The following C1QTNF9B variants were observed in gnomAD, a reference collection of about 807,000 sequenced individuals.
C1QTNF9B encodes complement C1q and tumor necrosis factor-related protein 9B.
A neutral mutation model predicts 10.1 loss-of-function variants in C1QTNF9B; 9 were observed. The ratio of observed to expected loss-of-function variants is 0.89; its 90% CI spans 0.53 to 1.55. The LOEUF (loss-of-function observed/expected upper bound fraction) is 1.55, where lower values mean the gene tolerates loss of function less well. Ranked by LOEUF, C1QTNF9B falls within the 40% of genes most tolerant of loss-of-function variation. The pLI, the probability that C1QTNF9B is intolerant of heterozygous loss-of-function variation, is 0.00. For synonymous variants in C1QTNF9B, 79 were observed against 159.9 expected (o/e 0.49, Z 3.82); for missense variants, 196 against 414.4 (o/e 0.47, Z 4.58).
intron 1 of C1QTNF9B, 118 bp downstream of exon 3, chr13:23,896,703 G>C: frequency 6.9e-7 from 1 of 1,452,842 alleles, no homozygotes; most frequent in South Asian, 1.3e-5. Flanking sequence ...AATGTTGCTG[G>C]GTGGATGGAT....
upstream of C1QTNF9B, chr13:23,897,058 T>C (rs186828471): frequency 4.6e-4 from 732 of 1,591,192 alleles, 11 homozygotes; most frequent in East Asian, 0.012. Flanking sequence ...GCTGGGGCCC[T>C]GGACACAGCC....
At chr13:23,895,868 C>A (rs1323538358) in intron 1 of C1QTNF9B, among the ~76,000 whole-genome samples, 2 of 151,940 alleles carry the variant, frequency 1.3e-5, no homozygotes, top group Admixed American at 1.3e-4. Flanking sequence ...GGGCTATTTG[C>A]TACCGGGGGA....
intron 2 of C1QTNF9B, among the ~76,000 whole-genome samples, chr13:23,893,805 C>T (rs1872102807): frequency 6.6e-6 from 1 of 152,154 alleles, no homozygotes; most frequent in African/African-American, 2.4e-5. Flanking sequence ...AAATAATATT[C>T]CACAATACAT....
chr13:23,896,594 G>T (rs1285623327), intron 1 of C1QTNF9B, among the ~76,000 whole-genome samples: 1 of 152,176 alleles, frequency 6.6e-6, no homozygotes, highest in Non-Finnish European at 1.5e-5. Context: ...CTGGCCCTGT[G>T]CTCTCCACCA....
chr13:23,892,474 G>T (rs1367863832), intron 2 of C1QTNF9B, among the ~76,000 whole-genome samples: 1 of 152,078 alleles, frequency 6.6e-6, no homozygotes, highest in Non-Finnish European at 1.5e-5. Context: ...AGGCAACATG[G>T]CAAAACCTCA....
At chr13:23,891,814 C>T (rs1488118556) in exon 3 of C1QTNF9B, 2 of 1,613,956 alleles carry the variant, frequency 1.2e-6, no homozygotes, top group Admixed American at 1.7e-5. Context: ...TGGGACCAGG[C>T]TTTCCAATAG....
Position 23,896,868 on chromosome 13 carries a change from G to T in C1QTNF9B, c.119C>A (p.Pro40His), listed in dbSNP as rs550819177. ...CGCTCCGTCTCGTCCATCTCTTCCA[G>T]GCAGACCATTGTGACCGGGGTTCCC... The change falls in exon 1 of 3, where the codon CCT becomes CAT. Residue 40 changes from proline to histidine, a missense_variant. Pro to His is a moderately conservative substitution (Grantham distance 77, BLOSUM62 -2). Around this residue, in one of 5 missense-constraint regions of C1QTNF9B, gnomAD observed 46 missense variants for 64.5 expected, o/e 0.71. Transcript: ENST00000382137. The T allele has an allele frequency of 1.9e-6, 3 of 1,613,980 alleles. No individual in the cohort carries two copies. The Admixed American group carries it at 5.0e-5, about 27-fold the overall frequency.
chr13:23,891,118 C>T (rs1871894738), exon 3 of C1QTNF9B: 6 of 587,204 alleles, frequency 1.0e-5, no homozygotes, highest in Non-Finnish European at 1.6e-5. Flanking sequence ...AATATTTACT[C>T]CTGGAAAAAT....
chr13:23,891,982 C>T, exon 3 of C1QTNF9B: 1 of 1,614,058 alleles, frequency 6.2e-7, no homozygotes. Context: ...CTGCAAGCCC[C>T]TTGGGGCCAT....
Position 23,891,145 on chromosome 13 carries a change from T to A in C1QTNF9B, c.*144A>T, listed in dbSNP as rs1300509733. On this transcript the variant is annotated 3_prime_UTR_variant, in exon 3 of 3. Coordinates refer to ENST00000382137, the Ensembl canonical transcript of C1QTNF9B. ...TGGAAAAATAGTAAGTTACATAGAATCAGTTTTGGGAATAACTTTTCCGTT... is the reference window on the plus strand; with the variant it reads ...TGGAAAAATAGTAAGTTACATAGAAACAGTTTTGGGAATAACTTTTCCGTT... 6.3e-6 allele frequency: 5 copies of A among 799,914 alleles called. 1 individual carries two copies. The highest frequency in any genetic ancestry group is 9.1e-6 in the Non-Finnish European group (5 of 548,180). 49.6% of individuals were successfully genotyped at this position (799,914 alleles called of 1,614,324 possible).
At chr13:23,897,238 A>AT (rs1452391117), upstream of C1QTNF9B, 2 of 502,540 alleles carry the variant, frequency 4.0e-6, no homozygotes, top group African/African-American at 3.8e-5. Flanking sequence ...TGAACGGGCA[A>AT]TAAAAAAAAG....
intron 1 of C1QTNF9B, 187 bp from the exon 4 acceptor site, chr13:23,894,388 G>A (rs1483010553): frequency 1.4e-5 from 9 of 634,348 alleles, no homozygotes; most frequent in Admixed American, 8.6e-5. Flanking sequence ...GCTGAGCTGC[G>A]TGGGATAAGT....
intron 1 of C1QTNF9B, among the ~76,000 whole-genome samples, chr13:23,895,501 A>C (rs1872169775): frequency 6.6e-6 from 1 of 152,200 alleles, no homozygotes; most frequent in Non-Finnish European, 1.5e-5. Context: ...CTTATGAATT[A>C]CATAGAAAAA....
upstream of C1QTNF9B, chr13:23,897,310 T>G (rs1872237603): frequency 4.6e-6 from 2 of 431,688 alleles, no homozygotes. Context: ...TCACTTCTCT[T>G]AACCACAGAC....
At chr13:23,895,405 A>G (rs1409102648) in intron 1 of C1QTNF9B, among the ~76,000 whole-genome samples, 1 of 152,180 alleles carries the variant, frequency 6.6e-6, no homozygotes, top group African/African-American at 2.4e-5. Context: ...ACACTTTAAG[A>G]TGGTAAGATA....
At chr13:23,892,278 C>T (rs1027464415) in intron 2 of C1QTNF9B, among the ~76,000 whole-genome samples, 7 of 151,940 alleles carry the variant, frequency 4.6e-5, no homozygotes, top group Non-Finnish European at 1.0e-4. Context: ...TGCCTGAGGC[C>T]AAGAGTTCAA....
In C1QTNF9B at chr13:23,896,260, A is replaced by G. The variant is rs114080019; in HGVS notation, c.166+561T>C. ...AGCACTCAGACTTCCAGGCTTTGGC[A>G]AATCTCCCTCCCAGAGGATGGATTC... On this transcript the variant is annotated intron_variant, in intron 1 of 2. Transcript: ENST00000382137. Among the ~76,000 whole-genome samples, 538 of 152,284 alleles carry G rather than the reference A, an allele frequency of 3.5e-3. 5 individuals carry two copies. The highest frequency in any genetic ancestry group is 0.013 in the African/African-American group (523 of 41,562).
At chr13:23,895,916 A>T (rs1014036480) in intron 1 of C1QTNF9B, among the ~76,000 whole-genome samples, 1 of 152,206 alleles carries the variant, frequency 6.6e-6, no homozygotes, top group African/African-American at 2.4e-5. Flanking sequence ...GTGAGGAGCC[A>T]GGAGAAGACA....
intron 1 of C1QTNF9B, among the ~76,000 whole-genome samples, chr13:23,894,945 T>A (rs1029981784): frequency 3.3e-5 from 5 of 152,136 alleles, no homozygotes; most frequent in African/African-American, 1.2e-4. Context: ...CAGCAGAGAC[T>A]CCCATACTTC....
Sources: allele counts gnomAD v4.1 joint callset (sites outside exome capture counted in the v4.1 genomes callset), GRCh38; gene constraint gnomAD v4.1.1; regional missense constraint gnomAD v4.1.1; transcripts MANE v1.5; gene names NCBI Gene and HGNC (gene_info 2026-07-23, HGNC 2026-07-21).